The following WRN variants were observed in gnomAD, a reference collection of about 807,000 sequenced individuals.
The protein encoded by WRN is WRN RecQ like helicase.
A neutral mutation model predicts 180.7 loss-of-function variants in WRN; 149 were observed. That is an observed-to-expected ratio of 0.82 (90% CI 0.72 to 0.94). The LOEUF (loss-of-function observed/expected upper bound fraction) is 0.94. Ranked by LOEUF, WRN falls within the 40% of genes least tolerant of loss-of-function variation. The pLI is 0.00. For missense variants in WRN, 1,661 were observed against 1,700.1 expected, an observed-to-expected ratio of 0.98 and a Z score of 0.40; for synonymous variants, 548 against 568.9, an observed-to-expected ratio of 0.96 and a Z score of 0.52.
At chr8:31,134,719 C>T (rs1006956607) in intron 24 of WRN, among the ~76,000 whole-genome samples, 5 of 152,156 alleles carry the variant, frequency 3.3e-5, no homozygotes, top group Admixed American at 6.5e-5. Flanking sequence ...TAGAATTAGA[C>T]GGTAGTTTTG....
chr8:31,144,941 C>T (rs1161486950), intron 28 of WRN, among the ~76,000 whole-genome samples: 1 of 152,156 alleles, frequency 6.6e-6, no homozygotes, highest in Admixed American at 6.5e-5. Flanking sequence ...AAGCCTAATC[C>T]AGAGCAAAGC....
intron 12 of WRN, 79 bp from the exon 13 acceptor site, chr8:31,088,811 C>A: frequency 8.5e-7 from 1 of 1,178,996 alleles, no homozygotes; most frequent in Non-Finnish European, 1.2e-6. Context: ...TTCAAAGAAG[C>A]CAATGAAATA....
intron 1 of WRN, among the ~76,000 whole-genome samples, chr8:31,054,373 G>C (rs1378364739): frequency 6.6e-6 from 1 of 152,012 alleles, no homozygotes; most frequent in Non-Finnish European, 1.5e-5. Context: ...TTCCAATTAA[G>C]CCATTCAAAA....
At chr8:31,091,795 A>C (rs774544371) in intron 15 of WRN, 35 bp from the exon 16 acceptor site, 5 of 1,568,852 alleles carry the variant, frequency 3.2e-6, no homozygotes, top group Admixed American at 3.3e-5. Context: ...TGTAATGTGT[A>C]CATGGTGCCA....
chr8:31,044,893 C>T (rs190047698), intron 1 of WRN, among the ~76,000 whole-genome samples: 32 of 152,262 alleles, frequency 2.1e-4, no homozygotes, highest in African/African-American at 6.5e-4. Context: ...CCTTTACATA[C>T]GTCTTTGTGC....
intron 24 of WRN, among the ~76,000 whole-genome samples, chr8:31,135,933 C>G (rs535970808): frequency 2.6e-4 from 39 of 152,196 alleles, no homozygotes; most frequent in Admixed American, 2.4e-3. Flanking sequence ...TCTCTTTATT[C>G]TAACACTTAG....
At chr8:31,059,859 A>G (rs982115348) in intron 3 of WRN, among the ~76,000 whole-genome samples, 6 of 152,140 alleles carry the variant, frequency 3.9e-5, no homozygotes, top group Admixed American at 1.3e-4. Context: ...GATTGAGACC[A>G]TCCCGGCTAA....
chr8:31,101,042 C>T, intron 18 of WRN, 87 bp downstream of exon 18: 1 of 1,113,188 alleles, frequency 9.0e-7, no homozygotes, highest in Non-Finnish European at 1.4e-6. Flanking sequence ...AAGCTGAAGA[C>T]TTCACTATAA....
intron 34 of WRN, among the ~76,000 whole-genome samples, chr8:31,172,509 C>T (rs571257034): frequency 1.2e-4 from 19 of 152,132 alleles, no homozygotes; most frequent in East Asian, 7.7e-4. Context: ...GTTTGTTAAG[C>T]GTACTATGCC....
At chr8:31,132,614 A>G (rs1353328297) in intron 24 of WRN, 108 bp downstream of exon 24, 39 of 1,466,880 alleles carry the variant, frequency 2.7e-5, no homozygotes, top group Middle Eastern at 2.3e-4. Flanking sequence ...CAGATGGGTG[A>G]CTAGGAACTC....
intron 1 of WRN, among the ~76,000 whole-genome samples, chr8:31,052,885 T>C (rs1563323630): frequency 6.6e-6 from 1 of 152,182 alleles, no homozygotes; most frequent in South Asian, 2.1e-4. Context: ...GGTACCTCGC[T>C]GGGTTGCTGA....
chr8:31,042,221 G>A (rs1811686988), intron 1 of WRN, among the ~76,000 whole-genome samples: 1 of 152,206 alleles, frequency 6.6e-6, no homozygotes, highest in Non-Finnish European at 1.5e-5. Flanking sequence ...GGAATAAATA[G>A]GTGGAGCAGG....
chr8:31,082,962 C>T (rs1480150961), intron 9 of WRN, among the ~76,000 whole-genome samples: 3 of 151,840 alleles, frequency 2.0e-5, no homozygotes, highest in Non-Finnish European at 2.9e-5. Context: ...ACTTTTTTTC[C>T]TAGTACAAAG....
chr8:31,087,910 T>G lies in WRN; in HGVS notation c.1566T>G (p.Asp522Glu), dbSNP rs751988233. The G allele has an allele frequency of 1.1e-5, 17 of 1,613,154 alleles. 2 individuals are homozygous for G. The South Asian group carries it at 1.9e-4, about 18-fold the overall frequency. Residue 522 changes from aspartate (D) to glutamate (E), a missense_variant, in exon 12 of 35, where the codon GAT becomes GAG. Transcript: ENST00000298139. ...ATGAAGCTAATGAAGGGGAAGAAGA[T>G]GATGATAAGGGTAAGCACTGAAGTA... ...DENEANEGEE[D>E]DDKDFLWPAP...
intron 24 of WRN, among the ~76,000 whole-genome samples, chr8:31,136,684 T>C (rs959745094): frequency 1.3e-5 from 2 of 151,982 alleles, no homozygotes; most frequent in East Asian, 1.9e-4. Context: ...AAAAAAAATT[T>C]AAAAATTAGC....
intron 9 of WRN, among the ~76,000 whole-genome samples, chr8:31,081,604 C>G (rs140065398): frequency 6.6e-6 from 1 of 152,166 alleles, no homozygotes; most frequent in Non-Finnish European, 1.5e-5. Flanking sequence ...ATAGTATCAA[C>G]AGACATTTGT....
chr8:31,073,724 A>C (rs1420237590), intron 7 of WRN, among the ~76,000 whole-genome samples: 1 of 152,152 alleles, frequency 6.6e-6, no homozygotes, highest in East Asian at 1.9e-4. Flanking sequence ...AGGAGAGAGC[A>C]GCAAAGAGGA....
At chr8:31,080,597 T>G (rs562509116) in intron 8 of WRN, among the ~76,000 whole-genome samples, 1 of 151,636 alleles carries the variant, frequency 6.6e-6, no homozygotes, top group Non-Finnish European at 1.5e-5. Flanking sequence ...AAAAAACATA[T>G]AGTTGACATA....
rs1563348619 is a variant in WRN, at chr8:31,096,817, A to G, written c.1948A>G (p.Met650Val). 6.2e-7 allele frequency: 1 copy of G among 1,613,228 alleles called. No individual in the cohort carries two copies. The highest frequency in any genetic ancestry group is 8.5e-7 in the Non-Finnish European group (1 of 1,179,848). ...YVTPEYCSGNMGLLQQLEADI... is the reference protein window; with the variant it reads ...YVTPEYCSGNVGLLQQLEADI... ...AACTCCAGAATACTGTTCAGGTAAC[A>G]TGGGCCTGCTCCAGCAACTTGAGGC... Residue 650 changes from methionine to valine, a missense_variant, in exon 17 of 35, where the codon ATG becomes GTG. This residue lies in a region of WRN where 1,141 missense variants were observed against 1,149.4 expected (regional missense o/e 0.99). Coordinates refer to ENST00000298139, the MANE Select transcript of WRN (RefSeq NM_000553.6).
Sources: allele counts gnomAD v4.1 joint callset (sites outside exome capture counted in the v4.1 genomes callset), GRCh38; gene constraint gnomAD v4.1.1; regional missense constraint gnomAD v4.1.1; transcripts MANE v1.5; gene names NCBI Gene and HGNC (gene_info 2026-07-23, HGNC 2026-07-21).